The following TNIP3 variants were observed in gnomAD, a reference collection of about 807,000 sequenced individuals.
TNIP3 encodes the protein TNFAIP3 interacting protein 3, also known as TNFAIP3-interacting protein 3.
Under a neutral mutation model 54.1 loss-of-function variants are expected in TNIP3, and 34 were observed. That is an observed-to-expected ratio of 0.63 (90% CI 0.48 to 0.84). The LOEUF (loss-of-function observed/expected upper bound fraction) is 0.84. Among genes scored for constraint, TNIP3 ranks in the 40% least tolerant of loss-of-function variants. The pLI, the probability that TNIP3 is intolerant of heterozygous loss-of-function variation, is 0.00. For missense variants in TNIP3, 366 were observed against 387.6 expected (o/e 0.94, Z 0.47); for synonymous variants, 134 against 136.8 (o/e 0.98, Z 0.14).
chr4:121,205,975 G>C (rs1193100647), intron 2 of TNIP3, among the ~76,000 whole-genome samples: 1 of 152,146 alleles, frequency 6.6e-6, no homozygotes, highest in Non-Finnish European at 1.5e-5. Context: ...AGAAGGAGAA[G>C]TGCCGAGTAA....
Position 121,227,286 on chromosome 4 carries a change from T to C in TNIP3, c.3+99A>G, listed in dbSNP as rs183348325. The C allele has an allele frequency of 3.9e-3, 4,108 of 1,058,208 alleles. 22 individuals carry two copies. Among genetic ancestry groups the C allele is most frequent in the Middle Eastern group, 0.014 (71 of 4,996 alleles). 65.6% of individuals were successfully genotyped at this position (1,058,208 alleles called of 1,614,324 possible). A position where few individuals can be genotyped will look rare whatever the true frequency, so the allele number is the denominator to read the frequency against. ...TGATCAGTTATATATGTCTTTTTAA[T>C]ATGAGAACTTTATGCATTTTAAAAA... is the stretch of plus-strand genomic sequence containing the variant. On this transcript the variant is annotated intron_variant, in intron 1 of 12. Transcript: ENST00000509841.
At chr4:121,203,956 T>C (rs1726042050) in intron 2 of TNIP3, among the ~76,000 whole-genome samples, 1 of 148,600 alleles carries the variant, frequency 6.7e-6, no homozygotes, top group African/African-American at 2.4e-5. Context: ...TTTTAAAATA[T>C]ATATATATTT....
chr4:121,213,363 A>C (rs557794776), intron 2 of TNIP3, among the ~76,000 whole-genome samples: 4 of 152,158 alleles, frequency 2.6e-5, no homozygotes, highest in Non-Finnish European at 4.4e-5. Flanking sequence ...GATTAAAATG[A>C]ATCATAGTCA....
At chr4:121,224,437 G>A (rs971579735) in intron 1 of TNIP3, among the ~76,000 whole-genome samples, 3 of 152,104 alleles carry the variant, frequency 2.0e-5, no homozygotes, top group South Asian at 2.1e-4. Context: ...CTGGACTTCC[G>A]ATACAGAATC....
intron 5 of TNIP3, among the ~76,000 whole-genome samples, chr4:121,152,538 A>G (rs1056135708): frequency 3.9e-5 from 6 of 152,250 alleles, no homozygotes; most frequent in Middle Eastern, 3.4e-3. Flanking sequence ...TACCAAACAT[A>G]TTATATACTA....
chr4:121,152,719 T>C (rs770068401), intron 5 of TNIP3, among the ~76,000 whole-genome samples: 4 of 152,248 alleles, frequency 2.6e-5, no homozygotes, highest in Non-Finnish European at 4.4e-5. Context: ...GTTAAAATGA[T>C]ATTTTACAAA....
upstream of TNIP3, among the ~76,000 whole-genome samples, chr4:121,220,960 G>A (rs992292970): frequency 6.6e-6 from 1 of 152,114 alleles, no homozygotes; most frequent in Non-Finnish European, 1.5e-5. Flanking sequence ...GCTGTGGTGA[G>A]TAAGTGAAGA....
At chr4:121,220,712 G>C (rs1386770735), upstream of TNIP3, among the ~76,000 whole-genome samples, 2 of 152,058 alleles carry the variant, frequency 1.3e-5, no homozygotes, top group Non-Finnish European at 2.9e-5. Flanking sequence ...AGCTGATCCT[G>C]GGTAAACGTA....
chr4:121,173,960 T>C (rs553344984), intron 3 of TNIP3, among the ~76,000 whole-genome samples: 2 of 152,308 alleles, frequency 1.3e-5, no homozygotes, highest in Admixed American at 1.3e-4. Context: ...TAAATACTTA[T>C]TGATTATTGT....
At chr4:121,177,278 A>C (rs192217591) in intron 3 of TNIP3, among the ~76,000 whole-genome samples, 109 of 152,304 alleles carry the variant, frequency 7.2e-4, no homozygotes, top group African/African-American at 2.5e-3. Flanking sequence ...ATTCTCACTT[A>C]GGCAATTATT....
intron 2 of TNIP3, among the ~76,000 whole-genome samples, chr4:121,187,228 A>C (rs903120818): frequency 2.4e-4 from 37 of 152,158 alleles, no homozygotes; most frequent in African/African-American, 8.7e-4. Flanking sequence ...ACTTTTAAAC[A>C]CCAATAGAAC....
At chr4:121,201,137 T>C (rs1188068391) in intron 2 of TNIP3, among the ~76,000 whole-genome samples, 1 of 151,874 alleles carries the variant, frequency 6.6e-6, no homozygotes, top group African/African-American at 2.4e-5. Context: ...TCTGGATGAG[T>C]AGGGGGCAGG....
chr4:121,164,213 T>C lies in TNIP3; in HGVS notation c.-88A>G, dbSNP rs1730634336. On this transcript the variant is annotated 5_prime_UTR_variant, in exon 1 of 11. Coordinates refer to ENST00000057513, the MANE Select transcript of TNIP3 (RefSeq NM_024873.6). ...GTATATTTTAGGGTGAGAGCAAGTATACAAAATTTAAAAAACACACATCAC... is the reference window on the plus strand; with the variant it reads ...GTATATTTTAGGGTGAGAGCAAGTACACAAAATTTAAAAAACACACATCAC... 2 of 1,588,396 alleles carry C rather than the reference T, an allele frequency of 1.3e-6. No homozygotes were observed. Among genetic ancestry groups the C allele is most frequent in the Non-Finnish European group, 1.7e-6 (2 of 1,170,274 alleles).
intron 2 of TNIP3, among the ~76,000 whole-genome samples, chr4:121,159,864 T>C (rs1259986451): frequency 1.3e-5 from 2 of 152,220 alleles, no homozygotes; most frequent in Non-Finnish European, 2.9e-5. Flanking sequence ...GAACAGACAC[T>C]GAGAAGACAG....
chr4:121,207,470 T>C (rs1726249217), intron 2 of TNIP3, among the ~76,000 whole-genome samples: 1 of 152,242 alleles, frequency 6.6e-6, no homozygotes, highest in Admixed American at 6.5e-5. Context: ...CAATTAATTG[T>C]ACGCAGATAT....
chr4:121,217,224 T>C (rs762730918), upstream of TNIP3, among the ~76,000 whole-genome samples: 3 of 152,172 alleles, frequency 2.0e-5, no homozygotes, highest in Admixed American at 6.6e-5. Context: ...AGCCAATTCC[T>C]GCAGGCAATT....
chr4:121,149,653 C>G (rs1420178392), intron 6 of TNIP3, among the ~76,000 whole-genome samples: 1 of 152,204 alleles, frequency 6.6e-6, no homozygotes, highest in Non-Finnish European at 1.5e-5. Context: ...GTAATCCCAG[C>G]TACTCGGGAG....
At chr4:121,203,494 A>G (rs1278979367) in intron 2 of TNIP3, among the ~76,000 whole-genome samples, 1 of 152,140 alleles carries the variant, frequency 6.6e-6, no homozygotes, top group Admixed American at 6.6e-5. Context: ...GGTGAGGGAT[A>G]AAAGACTATA....
upstream of TNIP3, among the ~76,000 whole-genome samples, chr4:121,217,175 T>C (rs1439151470): frequency 6.6e-6 from 1 of 152,190 alleles, no homozygotes; most frequent in Non-Finnish European, 1.5e-5. Context: ...CAGTAGAATC[T>C]TGAGATTGAA....
Sources: gnomAD v4.1 joint callset for allele counts (sites outside exome capture counted in the v4.1 genomes callset) on GRCh38, gnomAD v4.1.1 for gene constraint, MANE v1.5 for transcripts, NCBI Gene and HGNC (gene_info 2026-07-23, HGNC 2026-07-21) for gene names.